Variants in MICA observed in about 807,000 individuals in gnomAD.
MICA encodes the protein MHC class I polypeptide-related sequence A.
A neutral mutation model predicts 34.3 loss-of-function variants in MICA; 18 were observed. That is an observed-to-expected ratio of 0.52 (90% CI 0.36 to 0.78). The LOEUF is 0.78. Ranked by LOEUF, MICA falls within the 30% of genes least tolerant of loss-of-function variation. MICA has a pLI of 0.00. For missense variants in MICA, 333 were observed against 409.4 expected (o/e 0.81, Z 1.61); for synonymous variants, 135 against 156.9 (o/e 0.86, Z 1.04).
rs2113766156 is a variant in MICA at position 31,413,137 on chromosome 6, T to C, written c.*29+677T>C. Among the ~76,000 whole-genome samples, 2 of 152,008 alleles carry C rather than the reference T, an allele frequency of 1.3e-5. 1 individual carries two copies. The highest frequency in any genetic ancestry group is 1.3e-4 in the Admixed American group (2 of 15,242). ...GGGGTTGTCGTGTCCTCTGCACCAT[T>C]CGAGGCCCTACTCTTTCCAGGTTCC... On this transcript the variant is annotated intron_variant, in intron 5 of 5. Coordinates refer to ENST00000449934, the MANE Select transcript of MICA (RefSeq NM_001177519.3).
At chr6:31,413,797 C>A (rs1771347410) in intron 5 of MICA, among the ~76,000 whole-genome samples, 1 of 151,910 alleles carries the variant, frequency 6.6e-6, no homozygotes, top group African/African-American at 2.4e-5. Flanking sequence ...TCCCTGTGGG[C>A]AGGAATGGTT....
intron 5 of MICA, among the ~76,000 whole-genome samples, chr6:31,413,945 T>C (rs76213228): frequency 0.22 from 32,878 of 151,928 alleles, 4,262 homozygotes; most frequent in African/African-American, 0.31. Flanking sequence ...TAGGATTTCC[T>C]CTAATATTGT....
chr6:31,413,447 G>A (rs1328113953), intron 5 of MICA, among the ~76,000 whole-genome samples: 3 of 151,868 alleles, frequency 2.0e-5, no homozygotes, highest in East Asian at 1.9e-4. Flanking sequence ...AGTAAGGGAC[G>A]GTCAGAATCA....
upstream of MICA, among the ~76,000 whole-genome samples, chr6:31,402,907 G>A (rs538670957): frequency 4.6e-5 from 7 of 151,818 alleles, no homozygotes; most frequent in East Asian, 7.7e-4. Context: ...GATCACCCAG[G>A]GACTGAATAG....
At position 31,412,052 on chromosome 6, in the gene MICA, G is replaced by T; in HGVS notation, c.719G>T (p.Arg240Leu). 6.2e-7 allele frequency: 1 copy of T among 1,613,026 alleles called. No homozygotes were observed. The highest frequency in any genetic ancestry group is 8.5e-7 in the Non-Finnish European group (1 of 1,179,844). The change falls in exon 4 of 6, where the codon CGT (arginine) becomes CTT (leucine). Residue 240 changes from arginine to leucine, a missense_variant. Transcript: ENST00000449934. The part of the protein sequence containing the change: ...FYPRNIILTW[R>L]QDGVSLSHDT... ...CCCCGGAATATCATACTGACCTGGCGTCAGGATGGGGTATCTTTGAGCCAC... is the reference window on the plus strand; with the variant it reads ...CCCCGGAATATCATACTGACCTGGCTTCAGGATGGGGTATCTTTGAGCCAC...
chr6:31,413,385 C>CTCCCTGAGCCAATTTCCCTT (rs1771318221), intron 5 of MICA, among the ~76,000 whole-genome samples: 1 of 151,848 alleles, frequency 6.6e-6, no homozygotes, highest in Admixed American at 6.6e-5. Context: ...TCACCTTGCC[C>CTCCCTGAGCCAATTTCCCTT]TCCCTGAGCC....
chr6:31,407,740 T>C (rs1366202549), intron 1 of MICA, among the ~76,000 whole-genome samples: 1 of 151,960 alleles, frequency 6.6e-6, no homozygotes, highest in East Asian at 1.9e-4. Flanking sequence ...GTTCTAATGG[T>C]TTTTTGGTGG....
At chr6:31,408,109 C>T (rs914685667) in intron 1 of MICA, among the ~76,000 whole-genome samples, 2 of 151,846 alleles carry the variant, frequency 1.3e-5, no homozygotes. Context: ...ATGATACTGG[C>T]TTTTGTCCTT....
rs778135568 is a variant in MICA at position 31,415,154 on chromosome 6, C to T, written c.*172C>T. 12 of 958,030 alleles carry T rather than the reference C, an allele frequency of 1.3e-5. No homozygotes were observed. Among genetic ancestry groups the T allele is most frequent in the African/African-American group, 1.2e-4 (7 of 59,888 alleles). The allele number at this position is 958,030 out of a possible 1,614,324, so 59.3% of individuals were successfully genotyped here. ...AGGGCACCTAGACTCTACAGCCAGG[C>T]GGCTGGAATTGAATTCCCTGCCTGG... On this transcript the variant is annotated 3_prime_UTR_variant, in exon 6 of 6. Transcript: ENST00000449934.
chr6:31,412,861 C>T (rs1484064374), intron 5 of MICA, among the ~76,000 whole-genome samples: 2 of 151,916 alleles, frequency 1.3e-5, no homozygotes, highest in Non-Finnish European at 2.9e-5. Context: ...CAGCTGTGAT[C>T]TGGGGAGGGC....
At chr6:31,405,824 G>C (rs559979445) in intron 1 of MICA, among the ~76,000 whole-genome samples, 59 of 151,828 alleles carry the variant, frequency 3.9e-4, no homozygotes, top group Admixed American at 6.6e-4. Context: ...AAGTTTGTCT[G>C]TCTGGGCCTG....
chr6:31,413,923 C>G (rs1481095247), intron 5 of MICA, among the ~76,000 whole-genome samples: 1 of 152,032 alleles, frequency 6.6e-6, no homozygotes, highest in Non-Finnish European at 1.5e-5. Context: ...AATTTCAGCT[C>G]TATAATCTTA....
In MICA at chr6:31,412,234, A is replaced by G. The variant is rs771522783; in HGVS notation, c.892+9A>G. 5.0e-6 allele frequency: 8 copies of G among 1,607,614 alleles called. No homozygotes were observed. Among genetic ancestry groups the G allele is most frequent in the African/African-American group, 1.3e-5 (1 of 74,646 alleles). On this transcript the variant is annotated intron_variant, in intron 4 of 5. Transcript: ENST00000449934. ...TCACCCTGTGCCCTCTGGTGAGCCT[A>G]GGGTGACCCTGGAGAGGGTCAGGCC...
At chr6:31,414,949 C>T (rs1240104840) in intron 5 of MICA, 63 bp from the exon 6 acceptor site, 3 of 1,336,738 alleles carry the variant, frequency 2.2e-6, no homozygotes, top group Non-Finnish European at 3.1e-6. Flanking sequence ...GAGAAAAGTC[C>T]CCAGGGAATA....
chr6:31,411,100 C>T lies in MICA; in HGVS notation c.354C>T (p.Val118=). ...TGCATTCCCTCCAGGAGATTAGGGT[C>T]TGTGAGATCCATGAAGACAACAGCA... is the stretch of plus-strand genomic sequence containing the variant. ...EGLHSLQEIR[V]CEIHEDNSTR... Residue 118 remains valine, a synonymous_variant, in exon 3 of 6, where the codon GTC becomes GTT. Coordinates refer to ENST00000449934, the MANE Select transcript of MICA (RefSeq NM_001177519.3). This position sits in a 1 kb window ranked among gnomAD's most constrained non-coding sequence, Gnocchi z 4.3. 6.2e-7 allele frequency: 1 copy of T among 1,604,794 alleles called. No homozygotes were observed. Among genetic ancestry groups the T allele is most frequent in the Non-Finnish European group, 8.5e-7 (1 of 1,176,498 alleles).
Position 31,411,075 on chromosome 6 carries a change from T to C in MICA, c.329T>C (p.Leu110Ser), listed in dbSNP as rs959455053. 1.3e-6 allele frequency: 2 copies of C among 1,589,028 alleles called. No individual in the cohort carries two copies. The highest frequency in any genetic ancestry group is 1.7e-6 in the Non-Finnish European group (2 of 1,168,368). Residue 110 changes from leucine to serine, a missense_variant, in exon 3 of 6, where the codon TTG becomes TCG. Leu to Ser is a moderately radical substitution (Grantham distance 145, BLOSUM62 -2). Coordinates refer to ENST00000449934, the MANE Select transcript of MICA (RefSeq NM_001177519.3). The surrounding 1 kb of genome is among the most constrained non-coding windows in gnomAD (Gnocchi z 4.3). ...AGTCACTGCTGGGTGGGGGCAGGCT[T>C]GCATTCCCTCCAGGAGATTAGGGTC... The part of the protein sequence containing the change: ...LAHIKDQKEG[L>S]HSLQEIRVCE...
chr6:31,413,336 G>A (rs1274231852), intron 5 of MICA, among the ~76,000 whole-genome samples: 1 of 151,740 alleles, frequency 6.6e-6, no homozygotes, highest in African/African-American at 2.4e-5. Flanking sequence ...CAGTCCTCAG[G>A]GCCCATGTTT....
intron 1 of MICA, among the ~76,000 whole-genome samples, chr6:31,407,119 T>C (rs907215158): frequency 3.3e-5 from 5 of 151,984 alleles, no homozygotes; most frequent in Admixed American, 2.6e-4. Context: ...AGGGATTGCA[T>C]TGAATCTGTA....
chr6:31,413,958 A>T (rs531768347), intron 5 of MICA, among the ~76,000 whole-genome samples: 5,026 of 152,162 alleles, frequency 0.033, 135 homozygotes, highest in Non-Finnish European at 0.048. Flanking sequence ...AATATTGTGA[A>T]GCATATTATA....
Sources: gnomAD v4.1 joint callset for allele counts (sites outside exome capture counted in the v4.1 genomes callset) on GRCh38, gnomAD v4.1.1 for gene constraint, Gnocchi (gnomAD v3.1) non-coding constraint, MANE v1.5 for transcripts, NCBI Gene and HGNC (gene_info 2026-07-23, HGNC 2026-07-21) for gene names.